Variants in NAALADL2 observed in about 807,000 individuals in gnomAD.
NAALADL2 encodes the protein inactive N-acetylated-alpha-linked acidic dipeptidase-like protein 2.
In NAALADL2, 76 loss-of-function variants were observed where a neutral mutation model predicts 87.2. The ratio of observed to expected loss-of-function variants is 0.87; its 90% CI spans 0.72 to 1.05. The LOEUF (loss-of-function observed/expected upper bound fraction) is 1.05. NAALADL2 is among the 50% of genes least tolerant of loss of function. NAALADL2 has a pLI of 0.00. For missense variants in NAALADL2, 1,089 were observed against 945.8 expected (o/e 1.15, Z -1.99); for synonymous variants, 354 against 331.0 (o/e 1.07, Z -0.75).
chr3:175,405,243 T>C (rs1447137320), intron 5 of NAALADL2, among the ~76,000 whole-genome samples: 1 of 152,184 alleles, frequency 6.6e-6, no homozygotes, highest in African/African-American at 2.4e-5. Flanking sequence ...TAATTTATAA[T>C]TTTATCTCTG....
chr3:175,062,413 T>A (rs1580252920), intron 1 of NAALADL2, among the ~76,000 whole-genome samples: 1 of 152,006 alleles, frequency 6.6e-6, no homozygotes, highest in East Asian at 1.9e-4. Flanking sequence ...GTGACACCAC[T>A]TAACTTGTAA....
At chr3:174,908,863 C>T (rs1284687056) in intron 1 of NAALADL2, among the ~76,000 whole-genome samples, 1 of 151,858 alleles carries the variant, frequency 6.6e-6, no homozygotes, top group Non-Finnish European at 1.5e-5. Flanking sequence ...CAGTGTAAAG[C>T]AAAGCCTCTA....
intron 2 of NAALADL2, among the ~76,000 whole-genome samples, chr3:174,619,060 A>G (rs1007549673): frequency 6.6e-6 from 1 of 151,904 alleles, no homozygotes; most frequent in African/African-American, 2.4e-5. Context: ...TCAACAAGTT[A>G]CCTTTTTACA....
chr3:175,468,018 G>C (rs1724342827), intron 8 of NAALADL2, among the ~76,000 whole-genome samples: 1 of 151,956 alleles, frequency 6.6e-6, no homozygotes, highest in African/African-American at 2.4e-5. Context: ...ATTTAATACT[G>C]TAGTTTTTTC....
chr3:175,690,388 A>C (rs1736889651), intron 11 of NAALADL2, among the ~76,000 whole-genome samples: 1 of 152,130 alleles, frequency 6.6e-6, no homozygotes, highest in South Asian at 2.1e-4. Flanking sequence ...CAGCCACATG[A>C]TGATACTATC....
chr3:175,121,124 G>A (rs1726086771), intron 2 of NAALADL2, among the ~76,000 whole-genome samples: 1 of 151,748 alleles, frequency 6.6e-6, no homozygotes, highest in Non-Finnish European at 1.5e-5. Flanking sequence ...CCTGACTGAA[G>A]ACAAGTAATA....
At chr3:175,420,282 G>C (rs558059644) in intron 5 of NAALADL2, among the ~76,000 whole-genome samples, 1 of 151,944 alleles carries the variant, frequency 6.6e-6, no homozygotes, top group East Asian at 1.9e-4. Context: ...CACTTTCATC[G>C]TCTATCTCTG....
At chr3:174,503,189 G>A (rs1051618585) in intron 1 of NAALADL2, among the ~76,000 whole-genome samples, 4 of 152,096 alleles carry the variant, frequency 2.6e-5, no homozygotes, top group Admixed American at 6.6e-5. Flanking sequence ...AAGGCATCAA[G>A]GGACATATAG....
intron 11 of NAALADL2, among the ~76,000 whole-genome samples, chr3:175,669,011 T>C (rs915071361): frequency 6.6e-6 from 1 of 152,150 alleles, no homozygotes; most frequent in Admixed American, 6.6e-5. Flanking sequence ...GAAGAGAGGC[T>C]TAAAAGTTAT....
chr3:175,157,683 G>A (rs1192121553), intron 2 of NAALADL2, among the ~76,000 whole-genome samples: 2 of 151,970 alleles, frequency 1.3e-5, no homozygotes, highest in Non-Finnish European at 2.9e-5. Flanking sequence ...TGAAAATGAA[G>A]AGAAACAAGA....
chr3:174,740,235 T>C (rs546276964), intron 3 of NAALADL2, among the ~76,000 whole-genome samples: 5 of 151,982 alleles, frequency 3.3e-5, no homozygotes, highest in Admixed American at 2.0e-4. Context: ...GAACCCATTG[T>C]TGAGCTCACT....
At chr3:175,485,975 C>T (rs892572704) in intron 9 of NAALADL2, among the ~76,000 whole-genome samples, 15 of 152,130 alleles carry the variant, frequency 9.9e-5, no homozygotes, top group Non-Finnish European at 4.4e-5. Context: ...GGGCTGACAA[C>T]AAAACTCTAA....
chr3:175,507,326 T>A (rs1211466825), intron 9 of NAALADL2, among the ~76,000 whole-genome samples: 1 of 152,190 alleles, frequency 6.6e-6, no homozygotes, highest in Non-Finnish European at 1.5e-5. Flanking sequence ...AAAAGGTCAG[T>A]GGGGACATTT....
At chr3:175,426,882 A>G (rs1181245282) in intron 5 of NAALADL2, among the ~76,000 whole-genome samples, 1 of 152,132 alleles carries the variant, frequency 6.6e-6, no homozygotes, top group Non-Finnish European at 1.5e-5. Flanking sequence ...AGAGTGCTGT[A>G]TTTGTAGGAT....
chr3:175,730,731 A>G (rs1743631764), intron 11 of NAALADL2, among the ~76,000 whole-genome samples: 1 of 151,904 alleles, frequency 6.6e-6, no homozygotes, highest in Non-Finnish European at 1.5e-5. Context: ...TATTTTTAAA[A>G]TATTTTTAGT....
At chr3:175,368,885 G>A (rs768765109) in intron 5 of NAALADL2, among the ~76,000 whole-genome samples, 11 of 152,002 alleles carry the variant, frequency 7.2e-5, no homozygotes, top group South Asian at 2.1e-4. Flanking sequence ...AAGGTACAGC[G>A]AAATATGATA....
At chr3:174,944,923 A>G (rs1739173925) in intron 1 of NAALADL2, among the ~76,000 whole-genome samples, 2 of 151,920 alleles carry the variant, frequency 1.3e-5, no homozygotes, top group African/African-American at 4.8e-5. Flanking sequence ...CTGTGGGTTG[A>G]GTTGTTTCCT....
intron 1 of NAALADL2, among the ~76,000 whole-genome samples, chr3:174,905,275 A>G (rs1284506578): frequency 6.6e-6 from 1 of 152,004 alleles, no homozygotes; most frequent in East Asian, 1.9e-4. Context: ...TTAAATGCTC[A>G]TTGTTCTGAG....
intron 1 of NAALADL2, among the ~76,000 whole-genome samples, chr3:174,965,210 G>A (rs145235825): frequency 1.5e-4 from 23 of 152,160 alleles, no homozygotes; most frequent in Middle Eastern, 3.4e-3. Context: ...GTTCCTCACT[G>A]GCCATTGGCG....
Sources: allele counts gnomAD v4.1 joint callset (sites outside exome capture counted in the v4.1 genomes callset), GRCh38; gene constraint gnomAD v4.1.1; transcripts MANE v1.5; gene names NCBI Gene and HGNC (gene_info 2026-07-23, HGNC 2026-07-21).